TRPC4: variants seen among roughly 807,000 people sequenced by gnomAD.
TRPC4 encodes short transient receptor potential channel 4.
In TRPC4, 49 loss-of-function variants were observed where a neutral mutation model predicts 99.4. That is an observed-to-expected ratio of 0.49 (90% CI 0.39 to 0.63). The LOEUF (loss-of-function observed/expected upper bound fraction) is 0.63. Among genes scored for constraint, TRPC4 ranks in the 20% least tolerant of loss-of-function variants. The probability of loss-of-function intolerance (pLI) is 0.00; values close to 1 mark genes in which losing one functional copy is unlikely to be tolerated. For missense variants in TRPC4, 898 were observed against 1,152.9 expected (o/e 0.78, Z 3.20); for synonymous variants, 454 against 425.9 (o/e 1.07, Z -0.81).
intron 1 of TRPC4, among the ~76,000 whole-genome samples, chr13:37,810,243 A>G (rs1157020304): frequency 6.6e-6 from 1 of 152,112 alleles, no homozygotes; most frequent in Non-Finnish European, 1.5e-5. Context: ...CATTTCATAA[A>G]TTAAGATACA....
At chr13:37,830,861 G>A (rs1020257570) in intron 1 of TRPC4, among the ~76,000 whole-genome samples, 9 of 149,136 alleles carry the variant, frequency 6.0e-5, no homozygotes, top group African/African-American at 4.9e-5. Context: ...AAAAGTAAGC[G>A]TAATGTTTTA....
At chr13:37,791,836 T>A (rs1957127338) in intron 1 of TRPC4, among the ~76,000 whole-genome samples, 1 of 152,024 alleles carries the variant, frequency 6.6e-6, no homozygotes, top group Non-Finnish European at 1.5e-5. Context: ...AAAATCATGA[T>A]GTTAAAGGAA....
intron 1 of TRPC4, among the ~76,000 whole-genome samples, chr13:37,820,062 TA>T (rs1207581553): frequency 2.0e-5 from 3 of 151,300 alleles, no homozygotes; most frequent in African/African-American, 4.9e-5. Flanking sequence ...GACAAAGATA[TA>T]AAAGAGAGAA....
At chr13:37,774,445 TA>T (rs1293717302) in intron 2 of TRPC4, among the ~76,000 whole-genome samples, 3 of 151,778 alleles carry the variant, frequency 2.0e-5, no homozygotes, top group Non-Finnish European at 4.4e-5. Flanking sequence ...ATAATGAAAA[TA>T]AGAACACTCT....
At chr13:37,729,324 T>C (rs1955168771) in intron 3 of TRPC4, among the ~76,000 whole-genome samples, 1 of 152,042 alleles carries the variant, frequency 6.6e-6, no homozygotes, top group Non-Finnish European at 1.5e-5. Context: ...CAAAAACAGA[T>C]GATAACAATT....
rs1245280713 is a variant in TRPC4, at chr13:37,823,092, T to A, written c.-27-39732A>T. ...TTCTTTTGAGAAGTGTCTGTTCATA[T>A]CCTTCACCCACTTTTTGATGGGGTT... is the stretch of plus-strand genomic sequence containing the variant. On this transcript the variant is annotated intron_variant, in intron 1 of 10. Coordinates refer to ENST00000379705, the MANE Select transcript of TRPC4 (RefSeq NM_016179.4). 1.6e-3 allele frequency among the ~76,000 whole-genome samples: 246 copies of A among 151,820 alleles called. 1 individual carries two copies. Among genetic ancestry groups the A allele is most frequent in the Middle Eastern group, 6.8e-3 (2 of 292 alleles).
intron 1 of TRPC4, among the ~76,000 whole-genome samples, chr13:37,788,103 T>C (rs1360621161): frequency 2.0e-5 from 3 of 152,002 alleles, no homozygotes; most frequent in African/African-American, 7.2e-5. Context: ...AAAATACGCA[T>C]CAATCTATTA....
At chr13:37,864,368 G>A (rs571122609) in intron 1 of TRPC4, among the ~76,000 whole-genome samples, 2 of 151,670 alleles carry the variant, frequency 1.3e-5, no homozygotes, top group African/African-American at 4.8e-5. Context: ...CTATAAAAAT[G>A]AGCATTATAG....
chr13:37,698,167 C>CTTTTTTTT lies in TRPC4; in HGVS notation c.898-5840_898-5833dup, dbSNP rs67611413. Among the ~76,000 whole-genome samples, 46 of 42,562 alleles carry CTTTTTTTT rather than the reference C, an allele frequency of 1.1e-3. 10 individuals carry two copies. Among genetic ancestry groups the CTTTTTTTT allele is most frequent in the South Asian group, 3.0e-3 (2 of 658 alleles). 27.9% of individuals were successfully genotyped at this position (42,562 alleles called of 152,430 possible). A position where few individuals can be genotyped will look rare whatever the true frequency, so the allele number is the denominator to read the frequency against. On this transcript the variant is annotated intron_variant, in intron 3 of 10. Coordinates refer to ENST00000379705, the MANE Select transcript of TRPC4 (RefSeq NM_016179.4). ...TCTCAAGGTTACTCCAAGGACTAAC[C>CTTTTTTTT]TTTTTTTTTTTGAGTGGGAATCTCA...
chr13:37,656,199 ATTGT>A (rs1952230312), intron 6 of TRPC4, among the ~76,000 whole-genome samples: 1 of 152,174 alleles, frequency 6.6e-6, no homozygotes, highest in African/African-American at 2.4e-5. Flanking sequence ...CAAATGGAGA[ATTGT>A]TTGTTTCAAA....
chr13:37,667,849 C>T (rs1952701765), intron 5 of TRPC4, among the ~76,000 whole-genome samples: 1 of 152,212 alleles, frequency 6.6e-6, no homozygotes, highest in Non-Finnish European at 1.5e-5. Context: ...TACCAAAATG[C>T]TTTTCCATGA....
In TRPC4 at chr13:37,637,050, T is replaced by C; in HGVS notation, c.2787A>G (p.Pro929=). 3 of 1,613,772 alleles carry C rather than the reference T, an allele frequency of 1.9e-6. No individual in the cohort carries two copies. The highest frequency in any genetic ancestry group is 1.7e-5 in the Admixed American group (1 of 59,962). Residue 929 remains proline (P), a synonymous_variant, in exon 11 of 11, where the codon CCA becomes CCG. Transcript: ENST00000379705. ...CCACCACCACCTTCTCTGACTTGAA[T>C]GGACACACTCTCTTTCCTACCTGTA... The part of the protein sequence containing the change: ...LGLQVGKRVC[P]FKSEKVVVED...
intron 1 of TRPC4, among the ~76,000 whole-genome samples, chr13:37,866,298 T>C (rs1320074889): frequency 6.6e-6 from 1 of 151,764 alleles, no homozygotes; most frequent in Non-Finnish European, 1.5e-5. Flanking sequence ...GCTATATTTT[T>C]AAAAAGAGAG....
intron 1 of TRPC4, among the ~76,000 whole-genome samples, chr13:37,847,074 C>T (rs1044378439): frequency 1.3e-5 from 2 of 151,786 alleles, no homozygotes; most frequent in Non-Finnish European, 2.9e-5. Flanking sequence ...ATTAAATTAT[C>T]TAAAGAAAGA....
At chr13:37,752,075 C>CTATATATATGTGTATATATATATATATA (rs1555266914) in intron 2 of TRPC4, among the ~76,000 whole-genome samples, 4 of 73,952 alleles carry the variant, frequency 5.4e-5, no homozygotes, top group Admixed American at 2.8e-4. Flanking sequence ...AAGCAGAAAA[C>CTATATATATGTGTATATATATATATATA]TATATATATA....
At chr13:37,829,998 T>A (rs658109) in intron 1 of TRPC4, among the ~76,000 whole-genome samples, 49,725 of 151,666 alleles carry the variant, frequency 0.33, 8,406 homozygotes, top group East Asian at 0.53. Context: ...CTGAGTGCAG[T>A]GGGTAAGAAT....
intron 3 of TRPC4, among the ~76,000 whole-genome samples, chr13:37,725,418 T>A (rs970000385): frequency 6.6e-5 from 10 of 152,118 alleles, no homozygotes; most frequent in Middle Eastern, 6.8e-3. Context: ...CTCAAAGAGA[T>A]CCACACCAAG....
At chr13:37,669,736 C>A (rs1378207061) in intron 5 of TRPC4, among the ~76,000 whole-genome samples, 1 of 152,076 alleles carries the variant, frequency 6.6e-6, no homozygotes, top group Non-Finnish European at 1.5e-5. Context: ...ATTTGAGGCA[C>A]AGGTTCAGTA....
intron 1 of TRPC4, among the ~76,000 whole-genome samples, chr13:37,806,723 G>A (rs941004692): frequency 2.0e-5 from 3 of 152,016 alleles, no homozygotes; most frequent in Non-Finnish European, 2.9e-5. Flanking sequence ...AGTAGTCTTC[G>A]AAGCAAAACT....
Sources: allele counts gnomAD v4.1 joint callset (sites outside exome capture counted in the v4.1 genomes callset), GRCh38; gene constraint gnomAD v4.1.1; transcripts MANE v1.5; gene names NCBI Gene and HGNC (gene_info 2026-07-23, HGNC 2026-07-21).